Variants in TRDN observed in about 807,000 individuals in gnomAD.
TRDN encodes the protein triadin in skeletal muscle.
TRDN carries 161 observed loss-of-function variants against 149.7 expected under a neutral mutation model. That is an observed-to-expected ratio of 1.08 (90% CI 0.95 to 1.23). The LOEUF is 1.23. TRDN is among the 50% of genes most tolerant of loss of function. The pLI, the probability that TRDN is intolerant of heterozygous loss-of-function variation, is 0.00. For synonymous variants in TRDN, 294 were observed against 250.5 expected, an observed-to-expected ratio of 1.17 and a Z score of -1.64; for missense variants, 896 against 823.5, an observed-to-expected ratio of 1.09 and a Z score of -1.08.
chr6:123,460,701 C>A (rs1361639759), intron 10 of TRDN, among the ~76,000 whole-genome samples: 1 of 151,860 alleles, frequency 6.6e-6, no homozygotes, highest in East Asian at 1.9e-4. Flanking sequence ...TAATAAAGTT[C>A]TTGGTTTAAT....
At chr6:123,488,193 T>A (rs2114788232) in intron 9 of TRDN, among the ~76,000 whole-genome samples, 1 of 152,288 alleles carries the variant, frequency 6.6e-6, no homozygotes, top group East Asian at 1.9e-4. Flanking sequence ...ATCTAGCTGC[T>A]TACTTCAGTT....
chr6:123,511,937 G>A (rs1287520797), intron 7 of TRDN, among the ~76,000 whole-genome samples: 1 of 151,602 alleles, frequency 6.6e-6, no homozygotes, highest in East Asian at 1.9e-4. Context: ...GAGCCCACCT[G>A]GATAATCCAG....
intron 23 of TRDN, among the ~76,000 whole-genome samples, chr6:123,325,911 C>A (rs1779434422): frequency 6.6e-6 from 1 of 152,050 alleles, no homozygotes. Context: ...AGGTTTGTAT[C>A]TGAATTAATC....
At chr6:123,409,742 C>A (rs1289338097) in intron 12 of TRDN, among the ~76,000 whole-genome samples, 2 of 151,348 alleles carry the variant, frequency 1.3e-5, no homozygotes, top group African/African-American at 4.9e-5. Context: ...TAGTGAGAAA[C>A]AAATACTCAG....
chr6:123,587,477 G>A (rs1783555400), intron 1 of TRDN, among the ~76,000 whole-genome samples: 1 of 152,170 alleles, frequency 6.6e-6, no homozygotes, highest in South Asian at 2.1e-4. Flanking sequence ...AAATTGGTGA[G>A]ATGTTCCTTG....
At chr6:123,366,290 G>T in intron 19 of TRDN, 108 bp from the exon 20 acceptor site, 1 of 996,408 alleles carries the variant, frequency 1.0e-6, no homozygotes, top group Non-Finnish European at 1.5e-6. Context: ...TTGCACATGA[G>T]AGCAAAGCAA....
At chr6:123,620,022 C>T (rs1025460661) in intron 1 of TRDN, among the ~76,000 whole-genome samples, 2 of 152,136 alleles carry the variant, frequency 1.3e-5, no homozygotes, top group Admixed American at 1.3e-4. Context: ...CTCCATTCTT[C>T]AGATTTCCAT....
At chr6:123,518,553 C>T (rs575126071) in intron 5 of TRDN, among the ~76,000 whole-genome samples, 40 of 152,206 alleles carry the variant, frequency 2.6e-4, no homozygotes, top group African/African-American at 7.5e-4. Context: ...TTGTCCATTC[C>T]ACTAAAGGAT....
At chr6:123,395,583 C>CT in intron 12 of TRDN, among the ~76,000 whole-genome samples, 1 of 152,258 alleles carries the variant, frequency 6.6e-6, no homozygotes, top group South Asian at 2.1e-4. Flanking sequence ...AGTTCCCTCC[C>CT]TAAGCCTTCC....
chr6:123,564,691 C>T (rs1472810897), intron 2 of TRDN, among the ~76,000 whole-genome samples: 3 of 152,172 alleles, frequency 2.0e-5, no homozygotes, highest in African/African-American at 7.2e-5. Flanking sequence ...TCTTTGCTGG[C>T]TCTCTTCTCA....
intron 9 of TRDN, chr6:123,468,776 G>A (rs1776985259): frequency 1.3e-5 from 2 of 152,090 alleles, no homozygotes; most frequent in African/African-American, 4.8e-5. Context: ...TGTTAAGGCT[G>A]TTTTTTTCTC....
chr6:123,273,225 G>C, intron 28 of TRDN, 112 bp downstream of exon 28: 1 of 875,386 alleles, frequency 1.1e-6, no homozygotes, highest in South Asian at 2.0e-5. Flanking sequence ...CAAAACACAG[G>C]CTGTAATAAA....
intron 1 of TRDN, among the ~76,000 whole-genome samples, chr6:123,571,942 C>T (rs1782603191): frequency 6.6e-6 from 1 of 152,066 alleles, no homozygotes; most frequent in Non-Finnish European, 1.5e-5. Context: ...GAAATTTTCT[C>T]AGCACATATT....
intron 25 of TRDN, among the ~76,000 whole-genome samples, 151 bp from the exon 26 acceptor site, chr6:123,278,498 C>A (rs192144344): frequency 8.0e-4 from 122 of 152,248 alleles, no homozygotes; most frequent in Non-Finnish European, 1.4e-3. Flanking sequence ...GTCATATTAA[C>A]CATATTCTTA....
At chr6:123,479,500 G>A (rs1777647449) in intron 9 of TRDN, among the ~76,000 whole-genome samples, 1 of 152,166 alleles carries the variant, frequency 6.6e-6, no homozygotes, top group South Asian at 2.1e-4. Flanking sequence ...TCAGCCTAAT[G>A]AATTCTGCAC....
intron 2 of TRDN, among the ~76,000 whole-genome samples, chr6:123,568,923 T>A (rs534848759): frequency 6.6e-6 from 1 of 152,350 alleles, no homozygotes; most frequent in African/African-American, 2.4e-5. Flanking sequence ...CTCCACAGCC[T>A]GCTTGAATTC....
rs373118964 is a variant in TRDN at position 123,359,728 on chromosome 6, C to T, written c.1321+6407G>A. On this transcript the variant is annotated intron_variant, in intron 20 of 40. Transcript: ENST00000334268. ...TTTGTTTGTTTGAGACAGAGCCTCG[C>T]TCTGTCGCCCAGGCTGGAGTGCAGT... 4.6e-5 allele frequency among the ~76,000 whole-genome samples: 7 copies of T among 152,246 alleles called. No individual in the cohort carries two copies. In the South Asian group the frequency reaches 1.2e-3, roughly 27 times the overall value.
intron 29 of TRDN, 68 bp from the exon 30 acceptor site, chr6:123,271,254 A>G: frequency 1.7e-6 from 2 of 1,144,024 alleles, no homozygotes; most frequent in Non-Finnish European, 2.4e-6. Context: ...TTCAACCATG[A>G]TTTTTGTATT....
At chr6:123,293,837 T>C (rs781109978) in intron 24 of TRDN, among the ~76,000 whole-genome samples, 2 of 152,134 alleles carry the variant, frequency 1.3e-5, no homozygotes, top group Non-Finnish European at 2.9e-5. Flanking sequence ...TGAATGTACA[T>C]TGGCCAGCGT....
Sources: gnomAD v4.1 joint callset for allele counts (sites outside exome capture counted in the v4.1 genomes callset) on GRCh38, gnomAD v4.1.1 for gene constraint, MANE v1.5 for transcripts, NCBI Gene and HGNC (gene_info 2026-07-23, HGNC 2026-07-21) for gene names.